Variants in MZT2A observed in about 807,000 individuals in gnomAD.
MZT2A encodes mitotic spindle organizing protein 2A.
A neutral mutation model predicts 12.4 loss-of-function variants in MZT2A; 8 were observed. That is an observed-to-expected ratio of 0.64 (90% CI 0.38 to 1.16). MZT2A has a LOEUF of 1.16. Among genes scored for constraint, MZT2A ranks in the 50% most tolerant of loss-of-function variants. The probability of loss-of-function intolerance (pLI) is 0.01; values close to 1 mark genes in which losing one functional copy is unlikely to be tolerated. For synonymous variants in MZT2A, 88 were observed against 107.5 expected, an observed-to-expected ratio of 0.82 and a Z score of 1.12; for missense variants, 181 against 223.6, an observed-to-expected ratio of 0.81 and a Z score of 1.22.
upstream of MZT2A, chr2:131,492,650 A>G: frequency 3.2e-6 from 4 of 1,251,578 alleles, no homozygotes; most frequent in South Asian, 1.6e-5. Flanking sequence ...ATAGACTTGC[A>G]TTGGTCGTGC....
Position 131,491,875 on chromosome 2 carries a change from C to T in MZT2A, c.319+1G>A, listed in dbSNP as rs1243726085. ...GCAGGGACAGCGGGCCCAGCTCTGACCTCGGGTCTCGGGCACGCTCGACGT... is the reference window on the plus strand; with the variant it reads ...GCAGGGACAGCGGGCCCAGCTCTGATCTCGGGTCTCGGGCACGCTCGACGT... On this transcript the variant is annotated splice_donor_variant, in intron 2 of 2. Coordinates refer to ENST00000309451, the MANE Select transcript of MZT2A (RefSeq NM_001085365.2). LOFTEE classifies it high-confidence loss of function. The T allele has an allele frequency of 1.5e-5, 23 of 1,486,088 alleles. 1 individual carries two copies. The Middle Eastern group carries it at 1.7e-3, about 109-fold the overall frequency. 92.1% of individuals were successfully genotyped at this position (1,486,088 alleles called of 1,614,324 possible). A position where few individuals can be genotyped will look rare whatever the true frequency, so the allele number is the denominator to read the frequency against.
In MZT2A at chr2:131,474,385, C is replaced by A. The variant is rs534235769; in HGVS notation, c.279-2203G>T. ...GTGCTGGGATTACAGGCATGAGCCA[C>A]CGCGCCCAGTCTTCTTCTTCTTTTT... On this transcript the variant is annotated intron_variant and NMD_transcript_variant, in intron 2 of 4. Transcript: ENST00000427024. Among the ~76,000 whole-genome samples, 64 of 149,436 alleles carry A rather than the reference C, an allele frequency of 4.3e-4. 1 individual carries two copies. The highest frequency in any genetic ancestry group is 1.6e-3 in the African/African-American group (64 of 40,178).
At chr2:131,480,777 C>CAGCA (rs111758039), downstream of MZT2A, 123,681 of 1,593,992 alleles carry the variant, frequency 0.078, 5,242 homozygotes, top group Non-Finnish European at 0.088. Flanking sequence ...GGAGGCCTTT[C>CAGCA]AGCAAGCAGC....
chr2:131,490,183 A>T (rs1573875443), intron 2 of MZT2A: 1 of 729,600 alleles, frequency 1.4e-6, no homozygotes, highest in East Asian at 1.3e-4. Flanking sequence ...ACACCTGGTG[A>T]CACCTGGAAA....
chr2:131,474,170 T>G (rs533236997), intron 2 of MZT2A, among the ~76,000 whole-genome samples: 1 of 151,288 alleles, frequency 6.6e-6, no homozygotes, highest in South Asian at 2.1e-4. Context: ...CTATCTCGGC[T>G]CACTGCAAGC....
At chr2:131,472,105 TG>T in exon 3 of MZT2A, 3 of 1,290,684 alleles carry the variant, frequency 2.3e-6, no homozygotes, top group Non-Finnish European at 3.0e-6. Context: ...CACCATGCGG[TG>T]CTGCTTCTCT....
intron 2 of MZT2A, among the ~76,000 whole-genome samples, chr2:131,485,859 T>C (rs1679031403): frequency 6.6e-6 from 1 of 151,960 alleles, no homozygotes; most frequent in Non-Finnish European, 1.5e-5. Flanking sequence ...CAGAGACTCC[T>C]GTGTCTGAGA....
At chr2:131,487,773 T>C (rs1277911024) in intron 2 of MZT2A, among the ~76,000 whole-genome samples, 4 of 152,192 alleles carry the variant, frequency 2.6e-5, no homozygotes, top group Non-Finnish European at 5.9e-5. Context: ...TTGGGGTTTT[T>C]TGTTTATTTT....
intron 2 of MZT2A, among the ~76,000 whole-genome samples, chr2:131,477,199 G>A (rs1678703976): frequency 6.6e-6 from 1 of 151,348 alleles, no homozygotes; most frequent in South Asian, 2.1e-4. Flanking sequence ...CACCACACCT[G>A]GCTAATTTGT....
At chr2:131,487,890 C>A (rs10165015) in intron 2 of MZT2A, among the ~76,000 whole-genome samples, 60,546 of 148,748 alleles carry the variant, frequency 0.41, 13,013 homozygotes, top group East Asian at 0.72. Flanking sequence ...CCTCAGCCTC[C>A]CAAGTAGTTG....
At chr2:131,476,827 CG>C (rs1678688317) in intron 2 of MZT2A, among the ~76,000 whole-genome samples, 1 of 150,900 alleles carries the variant, frequency 6.6e-6, no homozygotes, top group Admixed American at 6.6e-5. Context: ...TCCAGCTACT[CG>C]GGAGGCTGAG....
intron 2 of MZT2A, among the ~76,000 whole-genome samples, chr2:131,473,103 G>A (rs112959709): frequency 0.053 from 8,102 of 152,058 alleles, 703 homozygotes; most frequent in African/African-American, 0.18. Flanking sequence ...TGGTGAGAAG[G>A]TGGCTGTGTG....
At chr2:131,482,720 G>A (rs769889432), downstream of MZT2A, 2 of 1,614,192 alleles carry the variant, frequency 1.2e-6, no homozygotes, top group African/African-American at 1.3e-5. Flanking sequence ...GCACTGGTAC[G>A]TGGGCGAAGG....
chr2:131,479,482 C>T (rs774633686), downstream of MZT2A: 5 of 1,606,344 alleles, frequency 3.1e-6, no homozygotes, highest in African/African-American at 6.8e-5. Context: ...TTCATGTGGC[C>T]ATTTTCTTGC....
intron 2 of MZT2A, chr2:131,490,029 T>A: frequency 1.1e-6 from 1 of 952,160 alleles, no homozygotes; most frequent in Non-Finnish European, 1.2e-6. Flanking sequence ...CTGCAGTCCA[T>A]ACACCCCTAC....
chr2:131,476,166 G>C (rs180816824), intron 2 of MZT2A: 1 of 1,613,758 alleles, frequency 6.2e-7, no homozygotes, highest in Non-Finnish European at 8.5e-7. Context: ...TTGAGGTCTG[G>C]CAGTAGCGTT....
chr2:131,476,223 G>T, intron 2 of MZT2A: 1 of 1,613,908 alleles, frequency 6.2e-7, no homozygotes, highest in Non-Finnish European at 8.5e-7. Flanking sequence ...GGTCACTCCC[G>T]CCCCGCAGAT....
chr2:131,488,585 A>G lies in MZT2A; in HGVS notation c.319+3291T>C, dbSNP rs375532061. Among the ~76,000 whole-genome samples the G allele has an allele frequency of 4.0e-5, 6 of 148,328 alleles. No homozygotes were observed. The South Asian group carries it at 8.9e-4, about 22-fold the overall frequency. On this transcript the variant is annotated intron_variant, in intron 2 of 2. Transcript: ENST00000309451. ...GCCATATGGGGTGACAGAATCCTCCACCCCAGATTCTGCCATTACCAGGGC... is the reference window on the plus strand; with the variant it reads ...GCCATATGGGGTGACAGAATCCTCCGCCCCAGATTCTGCCATTACCAGGGC...
At chr2:131,480,766 T>C (rs775627567), downstream of MZT2A, 3 of 1,602,244 alleles carry the variant, frequency 1.9e-6, no homozygotes, top group Non-Finnish European at 1.7e-6. Context: ...CTGGGTGATG[T>C]GGAGGCCTTT....
Sources: allele counts gnomAD v4.1 joint callset (sites outside exome capture counted in the v4.1 genomes callset), GRCh38; gene constraint gnomAD v4.1.1; transcripts MANE v1.5; gene names NCBI Gene and HGNC (gene_info 2026-07-23, HGNC 2026-07-21).